The following RBFOX1 variants were observed in gnomAD, a reference collection of about 807,000 sequenced individuals.
RBFOX1 encodes the protein RNA binding protein fox-1 homolog 1.
Under a neutral mutation model 57.7 loss-of-function variants are expected in RBFOX1, and 8 were observed. That is an observed-to-expected ratio of 0.14 (90% CI 0.08 to 0.25). RBFOX1 has a LOEUF of 0.25. RBFOX1 is among the 10% of genes least tolerant of loss of function. The probability of loss-of-function intolerance (pLI) is 1.00; values close to 1 mark genes in which losing one functional copy is unlikely to be tolerated. For missense variants in RBFOX1, 611 were observed against 548.5 expected (o/e 1.11, Z -1.14); for synonymous variants, 326 against 222.4 (o/e 1.47, Z -4.15).
intron 4 of RBFOX1, among the ~76,000 whole-genome samples, chr16:7,211,555 C>A (rs1393302233): frequency 1.3e-5 from 2 of 151,828 alleles, no homozygotes; most frequent in East Asian, 3.9e-4. Flanking sequence ...GTAAAGCAAA[C>A]AAACAAAAAA....
At chr16:6,716,568 G>C (rs1287996317) in intron 3 of RBFOX1, among the ~76,000 whole-genome samples, 2 of 152,176 alleles carry the variant, frequency 1.3e-5, no homozygotes, top group Non-Finnish European at 2.9e-5. Context: ...TCTTGGAATG[G>C]AACTTGTCTC....
intron 4 of RBFOX1, among the ~76,000 whole-genome samples, chr16:7,163,316 G>A (rs1325102715): frequency 6.6e-6 from 1 of 152,132 alleles, no homozygotes; most frequent in South Asian, 2.1e-4. Context: ...CTTGTCCCCT[G>A]GTGATGAGTA....
chr16:6,775,668 G>C (rs1007300339), intron 3 of RBFOX1: 1 of 152,058 alleles, frequency 6.6e-6, no homozygotes, highest in African/African-American at 2.4e-5. Context: ...TGGGAGCTTC[G>C]GTCAAACATC....
At chr16:6,495,253 G>A (rs1199382879) in intron 2 of RBFOX1, among the ~76,000 whole-genome samples, 1 of 152,088 alleles carries the variant, frequency 6.6e-6, no homozygotes, top group East Asian at 1.9e-4. Flanking sequence ...TGAATTGCTG[G>A]GATTATAGGT....
chr16:6,882,892 C>G (rs910431557), intron 3 of RBFOX1, among the ~76,000 whole-genome samples: 5 of 152,148 alleles, frequency 3.3e-5, no homozygotes, highest in Non-Finnish European at 7.4e-5. Flanking sequence ...TTCCTATTTT[C>G]CATTATACTT....
intron 4 of RBFOX1, among the ~76,000 whole-genome samples, chr16:7,302,167 G>T (rs2096051459): frequency 6.6e-6 from 1 of 152,154 alleles, no homozygotes; most frequent in South Asian, 2.1e-4. Context: ...AAATTGATGG[G>T]ATGTGTGAGC....
chr16:6,879,487 G>A (rs1276426301), intron 3 of RBFOX1, among the ~76,000 whole-genome samples: 7 of 152,086 alleles, frequency 4.6e-5, no homozygotes, highest in Admixed American at 2.6e-4. Flanking sequence ...ACCCCATCAT[G>A]ACCTTAATTG....
intron 3 of RBFOX1, among the ~76,000 whole-genome samples, chr16:7,001,665 C>A (rs1596556148): frequency 6.6e-6 from 1 of 151,994 alleles, no homozygotes; most frequent in African/African-American, 2.4e-5. Context: ...CCATGTTGGC[C>A]AGGGTGGTCT....
At chr16:7,291,371 A>G (rs181458255) in intron 4 of RBFOX1, among the ~76,000 whole-genome samples, 3 of 152,330 alleles carry the variant, frequency 2.0e-5, no homozygotes, top group Admixed American at 6.5e-5. Context: ...ACCTAAGTAT[A>G]GCTTTTTCCC....
At chr16:6,348,742 C>T (rs2085790188) in intron 2 of RBFOX1, among the ~76,000 whole-genome samples, 1 of 152,114 alleles carries the variant, frequency 6.6e-6, no homozygotes, top group Non-Finnish European at 1.5e-5. Flanking sequence ...CAGGAGACAG[C>T]ACCAAGGGGA....
intron 3 of RBFOX1, among the ~76,000 whole-genome samples, chr16:6,769,751 A>C (rs991866072): frequency 2.6e-5 from 4 of 152,178 alleles, no homozygotes; most frequent in African/African-American, 9.7e-5. Context: ...TACAAATCTA[A>C]CAAAGGCATG....
At chr16:5,981,721 A>G (rs1380340906) in intron 4 of RBFOX1, among the ~76,000 whole-genome samples, 1 of 151,956 alleles carries the variant, frequency 6.6e-6, no homozygotes, top group Non-Finnish European at 1.5e-5. Flanking sequence ...CACCTGCCTC[A>G]CCCTCCCAAA....
chr16:5,335,622 G>T (rs1350309539), intron 1 of RBFOX1, among the ~76,000 whole-genome samples: 1 of 152,182 alleles, frequency 6.6e-6, no homozygotes. Context: ...GAGCAGATTA[G>T]GAGATAAAAC....
At chr16:5,926,335 G>A (rs1360137760) in intron 4 of RBFOX1, among the ~76,000 whole-genome samples, 1 of 152,128 alleles carries the variant, frequency 6.6e-6, no homozygotes, top group Admixed American at 6.5e-5. Flanking sequence ...AGAAGGGTTG[G>A]GGCTGGAACA....
chr16:6,891,153 C>T (rs1461732444), intron 3 of RBFOX1, among the ~76,000 whole-genome samples: 1 of 152,192 alleles, frequency 6.6e-6, no homozygotes. Flanking sequence ...TCATGTCTTC[C>T]ATTACAGGTG....
At chr16:6,752,471 C>T (rs139578696) in intron 3 of RBFOX1, among the ~76,000 whole-genome samples, 1 of 152,194 alleles carries the variant, frequency 6.6e-6, no homozygotes, top group Non-Finnish European at 1.5e-5. Context: ...ATATGACATG[C>T]TCTGTCGCTG....
At chr16:7,638,145 C>A (rs1308159370) in intron 11 of RBFOX1, among the ~76,000 whole-genome samples, 1 of 152,152 alleles carries the variant, frequency 6.6e-6, no homozygotes, top group Non-Finnish European at 1.5e-5. Context: ...CAGTGAACGC[C>A]TGTTAACCTA....
chr16:6,128,962 C>G (rs529959608), intron 1 of RBFOX1, among the ~76,000 whole-genome samples: 8 of 152,134 alleles, frequency 5.3e-5, no homozygotes, highest in Non-Finnish European at 1.2e-4. Flanking sequence ...AACAGACCCA[C>G]CTGACAAAGG....
rs201776269 is a variant in RBFOX1, at chr16:7,648,214, ATTAT to A, written c.758-5586_758-5583del. Reference sequence around the variant, plus strand: ...CCCTAAACCAACAATTGAGGAAAAAATTATTTATTTATTTATTTTTTTTGAGACT... The same window carrying A: ...CCCTAAACCAACAATTGAGGAAAAAATTATTTATTTATTTTTTTTGAGACT... On this transcript the variant is annotated intron_variant, in intron 11 of 15. Coordinates refer to ENST00000550418, the MANE Select transcript of RBFOX1 (RefSeq NM_018723.4). Among the ~76,000 whole-genome samples the A allele has an allele frequency of 4.7e-3, 715 of 152,124 alleles. 10 individuals carry two copies. Among genetic ancestry groups the A allele is most frequent in the African/African-American group, 3.6e-3 (149 of 41,492 alleles).
Sources: gnomAD v4.1 joint callset for allele counts (sites outside exome capture counted in the v4.1 genomes callset) on GRCh38, gnomAD v4.1.1 for gene constraint, MANE v1.5 for transcripts, NCBI Gene and HGNC (gene_info 2026-07-23, HGNC 2026-07-21) for gene names.